TMEM266: variants seen among roughly 807,000 people sequenced by gnomAD.
The protein encoded by TMEM266 is Hv1 related protein 1.
In TMEM266, 33 loss-of-function variants were observed where a neutral mutation model predicts 50.5. The observed-to-expected ratio is 0.65, with a 90% CI of 0.50 to 0.87. The LOEUF (loss-of-function observed/expected upper bound fraction) is 0.87. TMEM266 is among the 40% of genes least tolerant of loss of function. The pLI, the probability that TMEM266 is intolerant of heterozygous loss-of-function variation, is 0.00. For synonymous variants in TMEM266, 310 were observed against 292.3 expected (o/e 1.06, Z -0.62); for missense variants, 655 against 695.1 (o/e 0.94, Z 0.65).
chr15:76,066,653 A>C (rs1034532204), intron 1 of TMEM266, among the ~76,000 whole-genome samples: 68 of 152,094 alleles, frequency 4.5e-4, no homozygotes, highest in African/African-American at 1.6e-3. Context: ...AAAAAAAAAA[A>C]AAAATTAACC....
intron 9 of TMEM266, among the ~76,000 whole-genome samples, chr15:76,194,566 G>A (rs967646023): frequency 2.0e-5 from 3 of 152,162 alleles, no homozygotes; most frequent in African/African-American, 7.2e-5. Flanking sequence ...GAAGTGTATT[G>A]TCTCACAGTG....
chr15:76,080,536 A>T (rs565513256), intron 1 of TMEM266, among the ~76,000 whole-genome samples: 3 of 150,982 alleles, frequency 2.0e-5, no homozygotes, highest in South Asian at 4.2e-4. Context: ...GGCGTGAGCC[A>T]CCGTGCCCTG....
At chr15:76,103,829 T>G (rs1596106208) in intron 1 of TMEM266, among the ~76,000 whole-genome samples, 1 of 141,976 alleles carries the variant, frequency 7.0e-6, no homozygotes, top group Non-Finnish European at 1.5e-5. Context: ...GGAGAATCAG[T>G]TGAATCTGGG....
At chr15:76,086,382 A>G (rs960557396) in intron 1 of TMEM266, among the ~76,000 whole-genome samples, 1 of 152,242 alleles carries the variant, frequency 6.6e-6, no homozygotes, top group African/African-American at 2.4e-5. Context: ...GCTTAACTGC[A>G]AAGTCACTAG....
intron 1 of TMEM266, among the ~76,000 whole-genome samples, chr15:76,102,196 C>G (rs2037011040): frequency 6.6e-6 from 1 of 152,232 alleles, no homozygotes; most frequent in African/African-American, 2.4e-5. Flanking sequence ...ATTCATTTAA[C>G]AACTATTTCT....
intron 3 of TMEM266, among the ~76,000 whole-genome samples, chr15:76,140,494 G>T (rs2037660491): frequency 6.6e-6 from 1 of 152,228 alleles, no homozygotes; most frequent in African/African-American, 2.4e-5. Context: ...ACGAAGGCCA[G>T]TGTTATGTAT....
intron 1 of TMEM266, among the ~76,000 whole-genome samples, 165 bp downstream of exon 1, chr15:76,060,181 G>T (rs991525935): frequency 2.0e-5 from 3 of 151,998 alleles, no homozygotes; most frequent in Admixed American, 1.3e-4. Flanking sequence ...GGGGGAGCCA[G>T]GCGAGGGTGC....
chr15:76,128,608 T>C lies in TMEM266; in HGVS notation c.-96-5560T>C, dbSNP rs116737471. 4.4e-3 allele frequency among the ~76,000 whole-genome samples: 666 copies of C among 152,368 alleles called. 9 individuals are homozygous for C. The highest frequency in any genetic ancestry group is 0.015 in the African/African-American group (639 of 41,590). On this transcript the variant is annotated intron_variant, in intron 1 of 10. Transcript: ENST00000388942. ...CCTGCTTCGTGCTAGGCTTGTGTTT[T>C]GAGGGTTATTTTGTTTGGGAAATAT...
intron 1 of TMEM266, among the ~76,000 whole-genome samples, chr15:76,071,070 T>C (rs1408058008): frequency 3.3e-5 from 5 of 152,142 alleles, no homozygotes; most frequent in African/African-American, 4.8e-5. Context: ...TGACGTTCTA[T>C]ATGATAAAGG....
chr15:76,145,277 T>G (rs1461392611), intron 3 of TMEM266, among the ~76,000 whole-genome samples: 1 of 152,150 alleles, frequency 6.6e-6, no homozygotes, highest in East Asian at 1.9e-4. Context: ...ATGAGCCACA[T>G]GTACACTTCG....
At chr15:76,091,121 A>AG (rs201847936) in intron 1 of TMEM266, among the ~76,000 whole-genome samples, 2,679 of 152,330 alleles carry the variant, frequency 0.018, 80 homozygotes, top group African/African-American at 0.061. Context: ...ACATATCAAG[A>AG]TCATTTTTAT....
intron 3 of TMEM266, among the ~76,000 whole-genome samples, chr15:76,143,299 G>A (rs2955726): frequency 0.23 from 34,581 of 151,884 alleles, 5,654 homozygotes; most frequent in African/African-American, 0.46. Context: ...GCCTCGTGAC[G>A]TTTGCTACCT....
chr15:76,204,251 T>G lies in TMEM266; in HGVS notation c.1532T>G (p.Leu511Arg), dbSNP rs1243915686. Residue 511 changes from leucine to arginine, a missense_variant, in exon 11 of 11, where the codon CTG (leucine) becomes CGG (arginine). This residue lies in a region of TMEM266 where 455 missense variants were observed against 401.8 expected (regional missense o/e 1.13). Transcript: ENST00000388942. ...CACTTCCAGCCCACTGTGCCCATGC[T>G]GGAGGACAAGTTCAGATCTTTGGAA... is the stretch of plus-strand genomic sequence containing the variant. The G allele has an allele frequency of 6.2e-7, 1 of 1,613,914 alleles. No individual in the cohort carries two copies. Among genetic ancestry groups the G allele is most frequent in the East Asian group, 2.2e-5 (1 of 44,870 alleles).
At position 76,156,715 on chromosome 15, in the gene TMEM266, T is replaced by C. The variant is rs199665383; in HGVS notation, c.339T>C (p.Ile113=). 6.2e-7 allele frequency: 1 copy of C among 1,614,200 alleles called. No individual in the cohort carries two copies. Among genetic ancestry groups the C allele is most frequent in the Admixed American group, 1.7e-5 (1 of 60,032 alleles). ...VVILLTLELL[I]DIKLLQFSSA... ...TAGCCTGTGTAATATTGGTGGTGAT[T>C]CTCCTGACTCTGGAACTTCTAATAG... Residue 113 remains isoleucine (I), a synonymous_variant, in exon 4 of 11, where the codon ATT becomes ATC. Coordinates refer to ENST00000388942, the MANE Select transcript of TMEM266 (RefSeq NM_152335.3).
intron 4 of TMEM266, among the ~76,000 whole-genome samples, chr15:76,157,555 A>T (rs1406681845): frequency 6.6e-6 from 1 of 151,758 alleles, no homozygotes; most frequent in Non-Finnish European, 1.5e-5. Context: ...CACCAGGCCT[A>T]CCCCCCACTG....
intron 9 of TMEM266, among the ~76,000 whole-genome samples, chr15:76,193,899 T>G (rs918248666): frequency 2.5e-4 from 38 of 152,244 alleles, no homozygotes; most frequent in African/African-American, 9.2e-4. Flanking sequence ...TCCAAGTTCT[T>G]GATGTACTGC....
At chr15:76,199,412 G>C (rs1370564997) in intron 9 of TMEM266, among the ~76,000 whole-genome samples, 1 of 152,230 alleles carries the variant, frequency 6.6e-6, no homozygotes, top group Non-Finnish European at 1.5e-5. Context: ...GATGTCTCCA[G>C]CAGGCTGACC....
intron 1 of TMEM266, among the ~76,000 whole-genome samples, chr15:76,111,360 G>A (rs2142011599): frequency 6.6e-6 from 1 of 152,094 alleles, no homozygotes; most frequent in Middle Eastern, 3.4e-3. Context: ...ACAGGCATGA[G>A]CCACTGTACC....
chr15:76,077,161 C>T lies in TMEM266; in HGVS notation c.-97+17145C>T, dbSNP rs569478425. ...TGTATTTTTTATAGAGACAGGGTTT[C>T]GCCATGTTGCCCAGGCTGGTCTCGA... On this transcript the variant is annotated intron_variant, in intron 1 of 10. Transcript: ENST00000388942. Among the ~76,000 whole-genome samples the T allele has an allele frequency of 6.4e-4, 98 of 152,038 alleles. 5 individuals carry two copies. In the South Asian group the frequency reaches 0.02, roughly 31 times the overall value.
Sources: allele counts gnomAD v4.1 joint callset (sites outside exome capture counted in the v4.1 genomes callset), GRCh38; gene constraint gnomAD v4.1.1; regional missense constraint gnomAD v4.1.1; transcripts MANE v1.5; gene names NCBI Gene and HGNC (gene_info 2026-07-23, HGNC 2026-07-21).